GALNT14: variants seen among roughly 807,000 people sequenced by gnomAD.
GALNT14 encodes UDP-GalNAc:polypeptide N-acetylgalactosaminyltransferase 14.
A neutral mutation model predicts 77.5 loss-of-function variants in GALNT14; 60 were observed. The observed-to-expected ratio is 0.77, with a 90% CI of 0.63 to 0.96. The LOEUF (loss-of-function observed/expected upper bound fraction) is 0.96, where lower values mean the gene tolerates loss of function less well. Ranked by LOEUF, GALNT14 falls within the 40% of genes least tolerant of loss-of-function variation. The pLI is 0.00. For missense variants in GALNT14, 710 were observed against 731.0 expected (o/e 0.97, Z 0.33); for synonymous variants, 280 against 281.7 (o/e 0.99, Z 0.06).
At chr2:31,044,610 G>C (rs1673313008) in intron 1 of GALNT14, among the ~76,000 whole-genome samples, 1 of 152,092 alleles carries the variant, frequency 6.6e-6, no homozygotes, top group Admixed American at 6.5e-5. Flanking sequence ...CTTTTGGATA[G>C]ACAGAAGTAT....
chr2:31,084,937 A>G (rs1199058428), intron 1 of GALNT14, among the ~76,000 whole-genome samples: 1 of 152,076 alleles, frequency 6.6e-6, no homozygotes, highest in Non-Finnish European at 1.5e-5. Flanking sequence ...AGGCAGGAGA[A>G]TTACTTGAAC....
chr2:30,986,177 G>A (rs948972894), intron 2 of GALNT14, among the ~76,000 whole-genome samples: 3 of 152,142 alleles, frequency 2.0e-5, no homozygotes, highest in Non-Finnish European at 4.4e-5. Flanking sequence ...ATTTAGCACC[G>A]CACTGGACAA....
intron 2 of GALNT14, among the ~76,000 whole-genome samples, chr2:30,968,123 T>G (rs538041483): frequency 2.6e-5 from 4 of 152,340 alleles, no homozygotes; most frequent in African/African-American, 9.6e-5. Context: ...TCTCCTCAAC[T>G]TGACTGTGAG....
chr2:31,070,274 A>G (rs780230973), intron 1 of GALNT14, among the ~76,000 whole-genome samples: 12 of 152,176 alleles, frequency 7.9e-5, no homozygotes, highest in Non-Finnish European at 1.8e-4. Flanking sequence ...TCCAGAAAGG[A>G]GCCCATAAAC....
chr2:31,129,571 T>C (rs1372920274), intron 1 of GALNT14: 3 of 985,222 alleles, frequency 3.0e-6, no homozygotes, highest in Non-Finnish European at 3.6e-6. Flanking sequence ...CTGATCTCCC[T>C]GAGATCCTAG....
At chr2:30,971,253 C>T (rs1668336520) in intron 2 of GALNT14, among the ~76,000 whole-genome samples, 1 of 152,126 alleles carries the variant, frequency 6.6e-6, no homozygotes, top group South Asian at 2.1e-4. Context: ...AATGGAAAAC[C>T]CTGCCAACAC....
chr2:31,005,055 T>C (rs984856256), intron 1 of GALNT14, among the ~76,000 whole-genome samples: 2 of 152,166 alleles, frequency 1.3e-5, no homozygotes, highest in African/African-American at 2.4e-5. Context: ...TGGGCTGACA[T>C]TGGCCTGCTG....
chr2:31,057,963 G>A (rs913452567), intron 1 of GALNT14, among the ~76,000 whole-genome samples: 42 of 152,064 alleles, frequency 2.8e-4, no homozygotes, highest in African/African-American at 8.0e-4. Context: ...ACCGCACCCT[G>A]GTAGTTACAG....
At chr2:31,130,235 G>A (rs981173138) in intron 1 of GALNT14, among the ~76,000 whole-genome samples, 12 of 152,234 alleles carry the variant, frequency 7.9e-5, no homozygotes, top group East Asian at 1.9e-4. Flanking sequence ...TATTCCCAGC[G>A]ATAAGGGCTC....
chr2:30,966,199 C>T lies in GALNT14; in HGVS notation c.398+5G>A. On this transcript the variant is annotated splice_donor_5th_base_variant and intron_variant, in intron 3 of 14. Transcript: ENST00000349752. ...CTGGCCAACAGACAAGCAAGGATGC[C>T]TCACCTGCGGATGGTCCTGAGCAGC... 6.2e-7 allele frequency: 1 copy of T among 1,613,204 alleles called. No individual in the cohort carries two copies. The highest frequency in any genetic ancestry group is 8.5e-7 in the Non-Finnish European group (1 of 1,179,248).
intron 3 of GALNT14, among the ~76,000 whole-genome samples, chr2:30,962,566 T>C (rs1667756485): frequency 6.6e-6 from 1 of 152,166 alleles, no homozygotes. Flanking sequence ...GATAAACCAC[T>C]CTTCAGGGCT....
At chr2:31,105,379 T>A (rs1365233066) in intron 1 of GALNT14, among the ~76,000 whole-genome samples, 1 of 152,154 alleles carries the variant, frequency 6.6e-6, no homozygotes, top group Non-Finnish European at 1.5e-5. Flanking sequence ...CATTTTATAC[T>A]TTTTCTGCCC....
intron 1 of GALNT14, among the ~76,000 whole-genome samples, chr2:31,123,630 C>T (rs1220837441): frequency 6.6e-6 from 1 of 152,096 alleles, no homozygotes; most frequent in African/African-American, 2.4e-5. Flanking sequence ...AATAAGCAGC[C>T]CTGTGGAATA....
chr2:31,135,775 T>G lies in GALNT14; in HGVS notation c.129+2183A>C, dbSNP rs139833554. Among the ~76,000 whole-genome samples, 306 of 152,328 alleles carry G rather than the reference T, an allele frequency of 2.0e-3. 1 individual carries two copies. Among genetic ancestry groups the G allele is most frequent in the African/African-American group, 7.2e-3 (298 of 41,582 alleles). ...ATTCTGCCTCATCCTGCAACTTATG[T>G]GGCCCCCCACCCCCATGCCAAAGGA... On this transcript the variant is annotated intron_variant, in intron 1 of 14. Coordinates refer to ENST00000349752, the MANE Select transcript of GALNT14 (RefSeq NM_024572.4).
At chr2:31,087,113 C>T (rs1332932514) in intron 1 of GALNT14, among the ~76,000 whole-genome samples, 1 of 152,056 alleles carries the variant, frequency 6.6e-6, no homozygotes, top group African/African-American at 2.4e-5. Flanking sequence ...AGGCACCAGC[C>T]ATAAGAAAGG....
intron 1 of GALNT14, among the ~76,000 whole-genome samples, chr2:31,111,643 G>A (rs189434327): frequency 6.6e-5 from 10 of 152,252 alleles, no homozygotes; most frequent in African/African-American, 2.4e-4. Flanking sequence ...GAGTCCTGGC[G>A]TCATCGCTAT....
At chr2:31,065,061 G>A (rs1674854123) in intron 1 of GALNT14, 1 of 151,392 alleles carries the variant, frequency 6.6e-6, no homozygotes, top group African/African-American at 2.4e-5. Context: ...GCCAGAAGCA[G>A]GCCCCAAACT....
At chr2:30,937,715 G>A (rs571117338) in intron 9 of GALNT14, among the ~76,000 whole-genome samples, 14 of 152,280 alleles carry the variant, frequency 9.2e-5, no homozygotes, top group African/African-American at 3.4e-4. Flanking sequence ...GAAAAGCCAG[G>A]ATAATCTGCT....
chr2:30,936,105 G>A (rs1280185973), intron 9 of GALNT14, among the ~76,000 whole-genome samples: 1 of 152,066 alleles, frequency 6.6e-6, no homozygotes, highest in African/African-American at 2.4e-5. Flanking sequence ...CATCCTCATC[G>A]GGGCACTGTT....
Sources: gnomAD v4.1 joint callset for allele counts (sites outside exome capture counted in the v4.1 genomes callset) on GRCh38, gnomAD v4.1.1 for gene constraint, MANE v1.5 for transcripts, NCBI Gene and HGNC (gene_info 2026-07-23, HGNC 2026-07-21) for gene names.